KCNJ3: variants seen among roughly 807,000 people sequenced by gnomAD.
KCNJ3 encodes potassium inwardly rectifying channel subfamily J member 3.
Under a neutral mutation model 39.2 loss-of-function variants are expected in KCNJ3, and 4 were observed. That is an observed-to-expected ratio of 0.10 (90% CI 0.05 to 0.23). The LOEUF (loss-of-function observed/expected upper bound fraction) is 0.23, where lower values mean the gene tolerates loss of function less well. Ranked by LOEUF, KCNJ3 falls within the 10% of genes least tolerant of loss-of-function variation. KCNJ3 has a pLI of 1.00. For synonymous variants in KCNJ3, 230 were observed against 237.4 expected (o/e 0.97, Z 0.29); for missense variants, 276 against 634.9 (o/e 0.43, Z 6.08).
intron 2 of KCNJ3, among the ~76,000 whole-genome samples, chr2:154,753,329 G>A (rs937342269): frequency 5.3e-5 from 8 of 152,054 alleles, no homozygotes; most frequent in South Asian, 2.1e-4. Context: ...GCAGCATGGC[G>A]TGTTGGCTTA....
chr2:154,715,430 CT>C (rs1685165670), intron 2 of KCNJ3, among the ~76,000 whole-genome samples: 6 of 152,192 alleles, frequency 3.9e-5, no homozygotes, highest in Admixed American at 3.9e-4. Flanking sequence ...TCATTTTTCA[CT>C]GCCTAGGATA....
intron 2 of KCNJ3, among the ~76,000 whole-genome samples, chr2:154,798,865 T>G (rs1686763353): frequency 6.6e-6 from 1 of 152,100 alleles, no homozygotes; most frequent in South Asian, 2.1e-4. Flanking sequence ...TGTTTCCACA[T>G]CTTGACTGTT....
At chr2:154,847,753 G>C (rs1364663473) in intron 2 of KCNJ3, among the ~76,000 whole-genome samples, 1 of 152,126 alleles carries the variant, frequency 6.6e-6, no homozygotes, top group Non-Finnish European at 1.5e-5. Context: ...TCAGCAGGGT[G>C]GGCCTTAATG....
intron 2 of KCNJ3, among the ~76,000 whole-genome samples, chr2:154,730,481 A>G (rs908983076): frequency 6.6e-6 from 1 of 152,208 alleles, no homozygotes; most frequent in East Asian, 1.9e-4. Context: ...AAATAATCCA[A>G]TGAAGATATT....
chr2:154,730,090 G>T (rs1252635449), intron 2 of KCNJ3, among the ~76,000 whole-genome samples: 3 of 151,764 alleles, frequency 2.0e-5, no homozygotes, highest in African/African-American at 7.3e-5. Context: ...GAAAGCAGTT[G>T]CCCCTGCTGC....
chr2:154,735,471 C>CA (rs1685515569), intron 2 of KCNJ3, among the ~76,000 whole-genome samples: 1 of 152,112 alleles, frequency 6.6e-6, no homozygotes, highest in South Asian at 2.1e-4. Context: ...GATTGGAAGA[C>CA]AATCAGTTTT....
At chr2:154,747,710 C>G (rs934922909) in intron 2 of KCNJ3, among the ~76,000 whole-genome samples, 3 of 151,914 alleles carry the variant, frequency 2.0e-5, no homozygotes, top group African/African-American at 7.2e-5. Flanking sequence ...GTTAATTTCC[C>G]AAGAGAAATG....
intron 1 of KCNJ3, among the ~76,000 whole-genome samples, chr2:154,702,749 C>T (rs1684925390): frequency 6.6e-6 from 1 of 151,832 alleles, no homozygotes; most frequent in African/African-American, 2.4e-5. Context: ...GTTTGAAGTT[C>T]CTCATTAAAA....
At chr2:154,755,050 A>C (rs1007923651) in intron 2 of KCNJ3, among the ~76,000 whole-genome samples, 1 of 152,046 alleles carries the variant, frequency 6.6e-6, no homozygotes, top group African/African-American at 2.4e-5. Flanking sequence ...CCTTTGTATT[A>C]TTTTTATAAT....
intron 2 of KCNJ3, among the ~76,000 whole-genome samples, chr2:154,751,013 G>C (rs1220161539): frequency 6.6e-6 from 1 of 151,718 alleles, no homozygotes; most frequent in East Asian, 1.9e-4. Context: ...ATAACTTAAG[G>C]GTGAGGGATA....
chr2:154,706,644 T>C (rs1685016255), intron 1 of KCNJ3, among the ~76,000 whole-genome samples: 1 of 151,314 alleles, frequency 6.6e-6, no homozygotes, highest in Admixed American at 6.6e-5. Context: ...ACTCATAGGC[T>C]TTTTTTTTCC....
At chr2:154,796,319 A>G (rs1686720227) in intron 2 of KCNJ3, among the ~76,000 whole-genome samples, 1 of 152,172 alleles carries the variant, frequency 6.6e-6, no homozygotes, top group South Asian at 2.1e-4. Flanking sequence ...TTCTGTGGAC[A>G]TAAAATACCC....
intron 2 of KCNJ3, among the ~76,000 whole-genome samples, chr2:154,791,866 A>G (rs1367843287): frequency 2.6e-5 from 4 of 152,116 alleles, no homozygotes; most frequent in Non-Finnish European, 4.4e-5. Context: ...CAAGAAAAAT[A>G]TATTAAAAAC....
Position 154,854,762 on chromosome 2 carries a change from G to A in KCNJ3, c.955G>A (p.Asp319Asn). ...TCQARTSYTEDEVLWGHRFFP... is the reference protein window; with the variant it reads ...TCQARTSYTENEVLWGHRFFP... ...TCAAGCTCGAACATCATATACTGAA[G>A]ATGAAGTTCTTTGGGGTCATCGTTT... The change falls in exon 3 of 3, where the codon GAT becomes AAT. Residue 319 changes from aspartate (D) to asparagine (N), a missense_variant. This residue lies in a region of KCNJ3 where 77 missense variants were observed against 200.0 expected (regional missense o/e 0.38). Transcript: ENST00000295101. 1 of 1,613,414 alleles carries A rather than the reference G, an allele frequency of 6.2e-7. No homozygotes were observed. Among genetic ancestry groups the A allele is most frequent in the Non-Finnish European group, 8.5e-7 (1 of 1,179,610 alleles).
intron 2 of KCNJ3, among the ~76,000 whole-genome samples, chr2:154,727,109 A>T (rs1267496372): frequency 6.6e-6 from 1 of 152,070 alleles, no homozygotes; most frequent in Non-Finnish European, 1.5e-5. Context: ...AGAAATAATC[A>T]CTAAAAAACT....
At chr2:154,757,219 T>C (rs1685956608) in intron 2 of KCNJ3, among the ~76,000 whole-genome samples, 1 of 152,042 alleles carries the variant, frequency 6.6e-6, no homozygotes, top group African/African-American at 2.4e-5. Context: ...TTGTTTTGTG[T>C]TTTGGGAAGG....
At chr2:154,806,631 C>T (rs760215237) in intron 2 of KCNJ3, among the ~76,000 whole-genome samples, 5 of 151,994 alleles carry the variant, frequency 3.3e-5, no homozygotes, top group Non-Finnish European at 4.4e-5. Context: ...CTGCCTCTCC[C>T]GAAAAAAACA....
rs370588936 is a variant in KCNJ3 at position 154,733,345 on chromosome 2, G to A, written c.919+23526G>A. Among the ~76,000 whole-genome samples the A allele has an allele frequency of 1.3e-4, 20 of 152,032 alleles. No homozygotes were observed. The East Asian group carries it at 2.9e-3, about 22-fold the overall frequency. On this transcript the variant is annotated intron_variant, in intron 2 of 2. Coordinates refer to ENST00000295101, the MANE Select transcript of KCNJ3 (RefSeq NM_002239.4). The stretch of plus-strand genomic sequence containing the variant: ...AGCCTGCAGTGTTTTCCTTTTCACT[G>A]AGTTACAATGAACATTTATAATAAA...
chr2:154,833,332 T>A (rs1026514631), intron 2 of KCNJ3, among the ~76,000 whole-genome samples: 1 of 152,212 alleles, frequency 6.6e-6, no homozygotes, highest in Non-Finnish European at 1.5e-5. Context: ...ACAAGGTTTT[T>A]CTGTTTTTGT....
Sources: allele counts gnomAD v4.1 joint callset (sites outside exome capture counted in the v4.1 genomes callset), GRCh38; gene constraint gnomAD v4.1.1; regional missense constraint gnomAD v4.1.1; transcripts MANE v1.5; gene names NCBI Gene and HGNC (gene_info 2026-07-23, HGNC 2026-07-21).